The following NRG3 variants were observed in gnomAD, a reference collection of about 807,000 sequenced individuals.
The protein encoded by NRG3 is neuregulin 3.
NRG3 carries 31 observed loss-of-function variants against 66.9 expected under a neutral mutation model. The observed-to-expected ratio is 0.46, with a 90% CI of 0.35 to 0.63. The LOEUF (loss-of-function observed/expected upper bound fraction) is 0.63. Ranked by LOEUF, NRG3 falls within the 20% of genes least tolerant of loss-of-function variation. The pLI is 0.00. For missense variants in NRG3, 910 were observed against 878.9 expected, an observed-to-expected ratio of 1.04 and a Z score of -0.45; for synonymous variants, 393 against 359.4, an observed-to-expected ratio of 1.09 and a Z score of -1.06.
intron 2 of NRG3, among the ~76,000 whole-genome samples, chr10:82,663,693 A>G (rs983961667): frequency 2.0e-5 from 3 of 152,250 alleles, no homozygotes; most frequent in Non-Finnish European, 2.9e-5. Flanking sequence ...AAGGGAGGAC[A>G]TGAGCACTGC....
chr10:82,647,192 C>A (rs2051010465), intron 2 of NRG3, among the ~76,000 whole-genome samples: 1 of 151,854 alleles, frequency 6.6e-6, no homozygotes, highest in Admixed American at 6.6e-5. Flanking sequence ...GTGTGATGTT[C>A]CCCTTCCTGT....
chr10:82,467,044 A>T (rs186297314), intron 2 of NRG3, among the ~76,000 whole-genome samples: 20 of 152,272 alleles, frequency 1.3e-4, no homozygotes, highest in African/African-American at 4.3e-4. Context: ...CAGAGATTCT[A>T]TCAACTTATT....
intron 2 of NRG3, among the ~76,000 whole-genome samples, chr10:82,728,648 A>C (rs2057739257): frequency 6.6e-6 from 1 of 152,202 alleles, no homozygotes; most frequent in Non-Finnish European, 1.5e-5. Context: ...TAGTCTGGAC[A>C]TGTTAGTCAA....
intron 2 of NRG3, among the ~76,000 whole-genome samples, chr10:82,585,965 G>A (rs2046645666): frequency 1.3e-5 from 2 of 152,094 alleles, no homozygotes; most frequent in Admixed American, 1.3e-4. Flanking sequence ...GCTTAAATCT[G>A]AATTGTAATT....
intron 1 of NRG3, among the ~76,000 whole-genome samples, chr10:82,351,990 C>T (rs1055914872): frequency 2.6e-5 from 4 of 152,116 alleles, no homozygotes; most frequent in Non-Finnish European, 5.9e-5. Flanking sequence ...TTTTCTTAGC[C>T]TATAGAGTAG....
At chr10:82,432,495 T>TAA (rs532419949) in intron 2 of NRG3, among the ~76,000 whole-genome samples, 44 of 117,996 alleles carry the variant, frequency 3.7e-4, no homozygotes, top group South Asian at 6.0e-4. Context: ...GTATTTCTTC[T>TAA]AAAAAAAAAA....
At chr10:82,417,568 T>A (rs1371565541) in intron 2 of NRG3, among the ~76,000 whole-genome samples, 2 of 152,188 alleles carry the variant, frequency 1.3e-5, no homozygotes, top group Admixed American at 1.3e-4. Flanking sequence ...AGTTCTTTGG[T>A]GCTTTCATTA....
chr10:82,214,473 C>T (rs1044574208), intron 1 of NRG3, among the ~76,000 whole-genome samples: 5 of 152,052 alleles, frequency 3.3e-5, no homozygotes, highest in Non-Finnish European at 5.9e-5. Flanking sequence ...ATTTCCACCC[C>T]CCGCCCTTGG....
Position 82,196,932 on chromosome 10 carries a change from A to G in NRG3, c.824-161807A>G, listed in dbSNP as rs533132736. On this transcript the variant is annotated intron_variant, in intron 1 of 8. Transcript: ENST00000372141. ...ATTTATTCCTGGGAAACTTAAAGCT[A>G]CCTCAAACCCAGTTCTTTTGCTCAG... Among the ~76,000 whole-genome samples the G allele has an allele frequency of 2.6e-5, 4 of 152,308 alleles. No individual in the cohort carries two copies. In the East Asian group the frequency reaches 7.7e-4, roughly 29 times the overall value.
At chr10:82,526,445 A>G (rs191354810) in intron 2 of NRG3, among the ~76,000 whole-genome samples, 1 of 152,032 alleles carries the variant, frequency 6.6e-6, no homozygotes, top group East Asian at 1.9e-4. Context: ...AGTTAAAAAC[A>G]GATTATCAGA....
intron 1 of NRG3, among the ~76,000 whole-genome samples, chr10:82,159,400 A>T (rs2132918670): frequency 6.6e-6 from 1 of 151,746 alleles, no homozygotes; most frequent in Non-Finnish European, 1.5e-5. Context: ...AGTCTCTAAA[A>T]ATGTTGCTTT....
intron 1 of NRG3, among the ~76,000 whole-genome samples, chr10:82,058,167 G>A (rs541787596): frequency 1.3e-5 from 2 of 152,062 alleles, no homozygotes; most frequent in African/African-American, 4.8e-5. Flanking sequence ...CTTCATCTTT[G>A]TGTTTTCTCT....
intron 1 of NRG3, among the ~76,000 whole-genome samples, chr10:81,891,158 T>C (rs1363870925): frequency 6.6e-6 from 1 of 152,218 alleles, no homozygotes; most frequent in Admixed American, 6.5e-5. Flanking sequence ...CTTTCCAAAA[T>C]AGAGATGCTT....
intron 1 of NRG3, among the ~76,000 whole-genome samples, chr10:82,173,127 G>A (rs1004259503): frequency 6.6e-6 from 1 of 152,046 alleles, no homozygotes; most frequent in African/African-American, 2.4e-5. Context: ...TTCTACAAAG[G>A]ATTGCTTTGG....
chr10:82,938,747 T>G (rs1018073510), intron 4 of NRG3, among the ~76,000 whole-genome samples: 1 of 152,224 alleles, frequency 6.6e-6, no homozygotes, highest in Non-Finnish European at 1.5e-5. Flanking sequence ...TCCATCTAAA[T>G]AGGTCACAGC....
intron 3 of NRG3, among the ~76,000 whole-genome samples, chr10:82,805,708 A>G (rs2061250720): frequency 6.6e-6 from 1 of 152,110 alleles, no homozygotes; most frequent in Admixed American, 6.5e-5. Context: ...ATCTGGGATG[A>G]TCTCCAAGGA....
chr10:82,961,875 A>G (rs1340427878), intron 6 of NRG3, among the ~76,000 whole-genome samples: 2 of 152,138 alleles, frequency 1.3e-5, no homozygotes, highest in Non-Finnish European at 2.9e-5. Context: ...GGCATATTTC[A>G]TCCTTGGAAA....
chr10:82,109,864 C>T (rs1417819580), intron 1 of NRG3, among the ~76,000 whole-genome samples: 3 of 152,244 alleles, frequency 2.0e-5, no homozygotes, highest in Admixed American at 6.5e-5. Flanking sequence ...TGACCAAGAT[C>T]GTGCAGCTTG....
chr10:81,929,183 G>T (rs996178811), intron 1 of NRG3, among the ~76,000 whole-genome samples: 1 of 151,886 alleles, frequency 6.6e-6, no homozygotes, highest in Non-Finnish European at 1.5e-5. Flanking sequence ...GTCATGACAT[G>T]GAAAATTTAG....
Sources: allele counts gnomAD v4.1 joint callset (sites outside exome capture counted in the v4.1 genomes callset), GRCh38; gene constraint gnomAD v4.1.1; transcripts MANE v1.5; gene names NCBI Gene and HGNC (gene_info 2026-07-23, HGNC 2026-07-21).